PCLO: variants seen among roughly 807,000 people sequenced by gnomAD.
The protein encoded by PCLO is piccolo presynaptic cytomatrix protein, also known as protein piccolo.
In PCLO, 82 loss-of-function variants were observed where a neutral mutation model predicts 427.5. The observed-to-expected ratio is 0.19, with a 90% CI of 0.16 to 0.23. The LOEUF is 0.23. Ranked by LOEUF, PCLO falls within the 10% of genes least tolerant of loss-of-function variation. PCLO has a pLI of 1.00. For synonymous variants in PCLO, 2,357 were observed against 2,155.4 expected (o/e 1.09, Z -2.59); for missense variants, 6,239 against 6,115.9 (o/e 1.02, Z -0.67).
At chr7:82,920,867 A>G (rs147037323) in intron 6 of PCLO, among the ~76,000 whole-genome samples, 1 of 151,814 alleles carries the variant, frequency 6.6e-6, no homozygotes, top group Non-Finnish European at 1.5e-5. Flanking sequence ...GTTTTTTCAA[A>G]TATTGAAAAA....
intron 22 of PCLO, among the ~76,000 whole-genome samples, chr7:82,766,782 T>C (rs1038983283): frequency 2.6e-5 from 4 of 152,208 alleles, no homozygotes; most frequent in African/African-American, 9.6e-5. Context: ...AAAAACTTGC[T>C]AATTGAAGTT....
At chr7:82,837,329 T>C (rs1372731694) in intron 15 of PCLO, among the ~76,000 whole-genome samples, 1 of 151,960 alleles carries the variant, frequency 6.6e-6, no homozygotes, top group African/African-American at 2.4e-5. Context: ...CAATGGAAAA[T>C]TTCCAAGTTA....
At chr7:82,798,339 A>C (rs1048753292) in intron 22 of PCLO, among the ~76,000 whole-genome samples, 12 of 152,152 alleles carry the variant, frequency 7.9e-5, no homozygotes, top group Admixed American at 6.5e-5. Flanking sequence ...ATACAATAAA[A>C]GAACTATATA....
intron 4 of PCLO, among the ~76,000 whole-genome samples, chr7:82,963,137 A>G (rs1282705266): frequency 3.9e-5 from 6 of 152,064 alleles, no homozygotes; most frequent in Non-Finnish European, 8.8e-5. Flanking sequence ...TTCTTTGAGA[A>G]AATTATAATG....
chr7:83,122,883 A>G (rs1276728206), intron 3 of PCLO, among the ~76,000 whole-genome samples: 1 of 152,168 alleles, frequency 6.6e-6, no homozygotes, highest in African/African-American at 2.4e-5. Flanking sequence ...CTTTTTTTAC[A>G]ATTGCTACAA....
intron 3 of PCLO, among the ~76,000 whole-genome samples, chr7:82,998,546 T>C (rs1014379247): frequency 6.6e-6 from 1 of 151,546 alleles, no homozygotes; most frequent in Admixed American, 6.6e-5. Flanking sequence ...GAAAAGAAAA[T>C]ACCTAACTCC....
intron 3 of PCLO, among the ~76,000 whole-genome samples, chr7:82,986,625 T>C (rs1057247603): frequency 6.6e-6 from 1 of 151,980 alleles, no homozygotes; most frequent in Non-Finnish European, 1.5e-5. Context: ...ATGCACAAGA[T>C]GCTGAATAAA....
chr7:83,054,798 C>T (rs1349371409), intron 3 of PCLO, among the ~76,000 whole-genome samples: 4 of 151,910 alleles, frequency 2.6e-5, no homozygotes, highest in Non-Finnish European at 2.9e-5. Context: ...GGAATTTCCT[C>T]CTTGGGAATT....
intron 3 of PCLO, among the ~76,000 whole-genome samples, chr7:83,127,645 A>G (rs572102298): frequency 6.6e-6 from 1 of 152,270 alleles, no homozygotes; most frequent in Admixed American, 6.5e-5. Flanking sequence ...TCCATTTGTA[A>G]TATTCTGCAT....
At chr7:83,112,507 GAAAGA>G (rs1193094154) in intron 3 of PCLO, among the ~76,000 whole-genome samples, 7 of 152,030 alleles carry the variant, frequency 4.6e-5, no homozygotes, top group Non-Finnish European at 2.9e-5. Flanking sequence ...TAAATGTCAA[GAAAGA>G]AAAGAAATCT....
intron 3 of PCLO, among the ~76,000 whole-genome samples, chr7:82,970,288 T>C (rs1795871491): frequency 6.6e-6 from 1 of 152,050 alleles, no homozygotes; most frequent in Admixed American, 6.6e-5. Context: ...TTGCCATAAC[T>C]AGACATTTTG....
intron 3 of PCLO, among the ~76,000 whole-genome samples, chr7:83,083,860 A>T (rs1790164976): frequency 6.6e-6 from 1 of 152,168 alleles, no homozygotes; most frequent in African/African-American, 2.4e-5. Flanking sequence ...TATCTTTTAA[A>T]GGAGCTAATA....
intron 3 of PCLO, among the ~76,000 whole-genome samples, chr7:83,071,263 T>C (rs185395030): frequency 2.0e-5 from 3 of 152,334 alleles, no homozygotes; most frequent in Non-Finnish European, 2.9e-5. Context: ...TCTGCCTCTA[T>C]GAATATGTGT....
intron 22 of PCLO, among the ~76,000 whole-genome samples, chr7:82,782,323 A>T (rs563367131): frequency 1.5e-4 from 23 of 152,294 alleles, no homozygotes; most frequent in African/African-American, 5.3e-4. Flanking sequence ...GAAAAACATG[A>T]TTTGAGGAGA....
At chr7:83,079,175 G>A (rs1790032694) in intron 3 of PCLO, among the ~76,000 whole-genome samples, 1 of 152,094 alleles carries the variant, frequency 6.6e-6, no homozygotes, top group African/African-American at 2.4e-5. Flanking sequence ...ATTGATTTCT[G>A]TATTTCAATG....
chr7:82,941,031 G>T lies in PCLO; in HGVS notation c.11112+8445C>A, dbSNP rs528193905. 2.0e-5 allele frequency among the ~76,000 whole-genome samples: 3 copies of T among 151,226 alleles called. No homozygotes were observed. In the East Asian group the frequency reaches 5.8e-4, roughly 29 times the overall value. ...CCTGCCTCGGCCTCCCAAAGTGCTG[G>T]GATTACAGGTTTGAGCCACCGTGCC... On this transcript the variant is annotated intron_variant, in intron 6 of 24. Transcript: ENST00000333891.
In PCLO at chr7:82,756,070, G is replaced by C. The variant is rs974582645; in HGVS notation, c.*2505C>G. 25 of 152,070 alleles carry C rather than the reference G, an allele frequency of 1.6e-4. No individual in the cohort carries two copies. Among genetic ancestry groups the C allele is most frequent in the African/African-American group, 6.0e-4 (25 of 41,416 alleles). 9.4% of individuals were successfully genotyped at this position (152,070 alleles called of 1,614,324 possible). On this transcript the variant is annotated 3_prime_UTR_variant, in exon 25 of 25. Transcript: ENST00000333891. ...CTACCAAAGAGATAATCTTTGTTTT[G>C]GTGATCCCTCCATTTATATTATTCT...
At chr7:82,829,820 A>G (rs1377060070) in intron 16 of PCLO, among the ~76,000 whole-genome samples, 1 of 152,140 alleles carries the variant, frequency 6.6e-6, no homozygotes, top group Non-Finnish European at 1.5e-5. Flanking sequence ...CATTATTTCA[A>G]TAGTAAGCCA....
At chr7:83,099,205 T>G (rs926202847) in intron 3 of PCLO, among the ~76,000 whole-genome samples, 5 of 147,866 alleles carry the variant, frequency 3.4e-5, no homozygotes, top group African/African-American at 1.3e-4. Flanking sequence ...GGTGGCAGCT[T>G]GATGAAGGAG....
Sources: allele counts gnomAD v4.1 joint callset (sites outside exome capture counted in the v4.1 genomes callset), GRCh38; gene constraint gnomAD v4.1.1; transcripts MANE v1.5; gene names NCBI Gene and HGNC (gene_info 2026-07-23, HGNC 2026-07-21).